Variants in MAP4K1 observed in about 807,000 individuals in gnomAD.
MAP4K1 encodes the protein MAPK/ERK kinase kinase kinase 1.
MAP4K1 carries 35 observed loss-of-function variants against 122.8 expected under a neutral mutation model. That is an observed-to-expected ratio of 0.29 (90% CI 0.22 to 0.38). The LOEUF (loss-of-function observed/expected upper bound fraction) is 0.38. Ranked by LOEUF, MAP4K1 falls within the 10% of genes least tolerant of loss-of-function variation. MAP4K1 has a pLI of 1.00. For synonymous variants in MAP4K1, 412 were observed against 421.3 expected, an observed-to-expected ratio of 0.98 and a Z score of 0.27; for missense variants, 791 against 1,072.6, an observed-to-expected ratio of 0.74 and a Z score of 3.67.
chr19:38,590,786 T>C lies in MAP4K1; in HGVS notation c.2396+2496A>G, dbSNP rs751187679. On this transcript the variant is annotated intron_variant, in intron 30 of 30. Coordinates refer to ENST00000396857, the MANE Select transcript of MAP4K1 (RefSeq NM_001042600.3). ...CACCACACCTGGCCAACTGGTGAAA[T>C]TGAGTAGGGGTATGAATTAGAAGGT... Among the ~76,000 whole-genome samples, 118 of 151,964 alleles carry C rather than the reference T, an allele frequency of 7.8e-4. 1 individual carries two copies. Among genetic ancestry groups the C allele is most frequent in the Middle Eastern group, 3.4e-3 (1 of 294 alleles).
chr19:38,596,547 G>T, intron 25 of MAP4K1, 61 bp from the exon 26 acceptor site: 2 of 1,365,620 alleles, frequency 1.5e-6, no homozygotes, highest in Non-Finnish European at 9.7e-7. Flanking sequence ...CTCAGGGGGC[G>T]TGGCTTGTAG....
At chr19:38,601,195 C>T (rs1479004334) in intron 20 of MAP4K1, among the ~76,000 whole-genome samples, 2 of 151,964 alleles carry the variant, frequency 1.3e-5, no homozygotes, top group African/African-American at 4.8e-5. Flanking sequence ...ATGATTCACC[C>T]GCCTCAGCCT....
chr19:38,613,325 G>GA (rs1399775767), intron 8 of MAP4K1, among the ~76,000 whole-genome samples: 3 of 113,492 alleles, frequency 2.6e-5, no homozygotes, highest in Non-Finnish European at 5.6e-5. Context: ...AAAAAAGAAC[G>GA]AAAAAGAAAA....
intron 30 of MAP4K1, 152 bp from the exon 31 acceptor site, chr19:38,587,969 A>G (rs1488591790): frequency 7.5e-6 from 5 of 662,482 alleles, no homozygotes; most frequent in South Asian, 5.0e-5. Flanking sequence ...GGAAGCTTGC[A>G]TTCTAGAGAA....
intron 30 of MAP4K1, among the ~76,000 whole-genome samples, chr19:38,590,964 ATC>A: frequency 7.1e-6 from 1 of 141,448 alleles, no homozygotes; most frequent in African/African-American, 2.7e-5. Context: ...TCATTAAAAA[ATC>A]ACACACACAC....
intron 30 of MAP4K1, 111 bp downstream of exon 30, chr19:38,593,171 C>T: frequency 1.0e-6 from 1 of 962,498 alleles, no homozygotes; most frequent in Non-Finnish European, 1.5e-6. Flanking sequence ...GCAGGGTGAC[C>T]AGGTGAGACA....
intron 25 of MAP4K1, among the ~76,000 whole-genome samples, chr19:38,596,754 G>C (rs899945530): frequency 6.6e-6 from 1 of 152,210 alleles, no homozygotes; most frequent in Non-Finnish European, 1.5e-5. Flanking sequence ...GACACTCAAA[G>C]AGACAGGCTC....
At chr19:38,604,128 CAAAAAAAAA>C (rs200072842) in intron 19 of MAP4K1, among the ~76,000 whole-genome samples, 5 of 53,520 alleles carry the variant, frequency 9.3e-5, no homozygotes, top group East Asian at 6.9e-4. Context: ...GATACTATCT[CAAAAAAAAA>C]AAAAAAAAAA....
intron 22 of MAP4K1, among the ~76,000 whole-genome samples, chr19:38,598,278 G>A (rs972916859): frequency 2.6e-5 from 4 of 151,848 alleles, no homozygotes; most frequent in African/African-American, 7.3e-5. Flanking sequence ...TGATCTACCC[G>A]CCTCGGCCTC....
chr19:38,602,849 C>CACATAT (rs1975145681), intron 19 of MAP4K1, among the ~76,000 whole-genome samples: 1 of 147,544 alleles, frequency 6.8e-6, no homozygotes, highest in South Asian at 2.1e-4. Context: ...TACATATATA[C>CACATAT]ACATATACAT....
At chr19:38,602,506 A>G (rs575845653) in intron 19 of MAP4K1, among the ~76,000 whole-genome samples, 2 of 150,000 alleles carry the variant, frequency 1.3e-5, no homozygotes, top group African/African-American at 4.9e-5. Context: ...ACATATATAC[A>G]CGTGTACATA....
At chr19:38,605,346 C>A in intron 19 of MAP4K1, 63 bp downstream of exon 19, 10 of 1,224,514 alleles carry the variant, frequency 8.2e-6, no homozygotes, top group South Asian at 2.6e-5. Flanking sequence ...ACCCCCTCCC[C>A]ACCCCACCAG....
At chr19:38,604,734 G>A (rs1975272977) in intron 19 of MAP4K1, among the ~76,000 whole-genome samples, 1 of 150,912 alleles carries the variant, frequency 6.6e-6, no homozygotes, top group African/African-American at 2.4e-5. Context: ...AGCTTGCAGT[G>A]AGCCGAGATC....
rs756001460 is a variant in MAP4K1, at chr19:38,597,401, T to G, written c.1779-17A>C. On this transcript the variant is annotated splice_polypyrimidine_tract_variant and intron_variant, in intron 23 of 30. Transcript: ENST00000396857. The surrounding 1 kb of genome is among the most constrained non-coding windows in gnomAD (Gnocchi z 4.6). The stretch of plus-strand genomic sequence containing the variant: ...ATGTTCTTCCTGGAGAATAGGTAGG[T>G]GTGAAGGGGGGTAGGACAGCAGGAG... 6.2e-7 allele frequency: 1 copy of G among 1,613,598 alleles called. No homozygotes were observed. Among genetic ancestry groups the G allele is most frequent in the South Asian group, 1.1e-5 (1 of 91,060 alleles).
At chr19:38,616,879 G>A (rs555820683) in intron 3 of MAP4K1, among the ~76,000 whole-genome samples, 1 of 152,228 alleles carries the variant, frequency 6.6e-6, no homozygotes, top group South Asian at 2.1e-4. Flanking sequence ...TCATGGTAGG[G>A]TTAGCCCAGT....
At chr19:38,602,781 TATACATATATACACAC>T (rs1217993520) in intron 19 of MAP4K1, among the ~76,000 whole-genome samples, 8 of 144,698 alleles carry the variant, frequency 5.5e-5, no homozygotes, top group Non-Finnish European at 9.0e-5. Flanking sequence ...TATATACACA[TATACATATATACACAC>T]ATACATATAT....
rs1420730478 is a variant in MAP4K1, at chr19:38,595,653, C to T, written c.2256G>A (p.Ala752=). The change falls in exon 28 of 31, where the codon GCG becomes GCA. Residue 752 remains alanine (A), a synonymous_variant. Transcript: ENST00000396857. ...CCCTGCACAGACCCACGGCCTCCAC[C>T]GCTTCGGTCATGGGGATCTCAGGTG... ...LRTPEIPMTE[A]VEAVAMVGGQ... The T allele has an allele frequency of 5.0e-6, 8 of 1,613,674 alleles. No individual in the cohort carries two copies. In the East Asian group the frequency reaches 1.1e-4, roughly 22 times the overall value.
chr19:38,597,585 G>A lies in MAP4K1; in HGVS notation c.1679C>T (p.Pro560Leu). ...NVLMSLSGKT[P>L]HLYSHSILGL... is the part of the protein sequence containing the mutation. ...AAGGATGCTATGAGAATACAGGTGGGGGGTCTTTCCTGCAGGGTGTGTGTA... is the reference window on the plus strand; with the variant it reads ...AAGGATGCTATGAGAATACAGGTGGAGGGTCTTTCCTGCAGGGTGTGTGTA... Residue 560 changes from proline (P) to leucine (L), a missense_variant, in exon 23 of 31, where the codon CCC becomes CTC. This residue lies in a region of MAP4K1 where 58 missense variants were observed against 118.7 expected (regional missense o/e 0.49). Transcript: ENST00000396857. This position sits in a 1 kb window ranked among gnomAD's most constrained non-coding sequence, Gnocchi z 4.6. 6.2e-7 allele frequency: 1 copy of A among 1,611,502 alleles called. No individual in the cohort carries two copies. Among genetic ancestry groups the A allele is most frequent in the Non-Finnish European group, 8.5e-7 (1 of 1,178,840 alleles).
chr19:38,597,454 G>T lies in MAP4K1; in HGVS notation c.1778+32C>A, dbSNP rs201101004. The T allele has an allele frequency of 5.0e-5, 80 of 1,612,814 alleles. No individual in the cohort carries two copies. Among genetic ancestry groups the T allele is most frequent in the South Asian group, 1.9e-4 (17 of 91,056 alleles). ...AGAGGGGCATGGGAGGAATTATAAG[G>T]CTGTGTGGTGCCATTCATTGGGAGC... On this transcript the variant is annotated intron_variant, in intron 23 of 30. Coordinates refer to ENST00000396857, the MANE Select transcript of MAP4K1 (RefSeq NM_001042600.3). The surrounding 1 kb of genome is among the most constrained non-coding windows in gnomAD (Gnocchi z 4.6).
Sources: allele counts gnomAD v4.1 joint callset (sites outside exome capture counted in the v4.1 genomes callset), GRCh38; gene constraint gnomAD v4.1.1; regional missense constraint gnomAD v4.1.1; non-coding constraint Gnocchi (gnomAD v3.1); transcripts MANE v1.5; gene names NCBI Gene and HGNC (gene_info 2026-07-23, HGNC 2026-07-21).